The following RIBC2 variants were observed in gnomAD, a reference collection of about 807,000 sequenced individuals.
RIBC2 encodes RIB43A-like with coiled-coils protein 2.
RIBC2 carries 40 observed loss-of-function variants against 44.3 expected under a neutral mutation model. The ratio of observed to expected loss-of-function variants is 0.90; its 90% CI spans 0.70 to 1.18. RIBC2 has a LOEUF of 1.18. Ranked by LOEUF, RIBC2 falls within the 50% of genes most tolerant of loss-of-function variation. The pLI, the probability that RIBC2 is intolerant of heterozygous loss-of-function variation, is 0.00. For synonymous variants in RIBC2, 171 were observed against 175.0 expected (o/e 0.98, Z 0.18); for missense variants, 459 against 485.5 (o/e 0.95, Z 0.51).
chr22:45,421,496 TTATTAA>T (rs1420020495), intron 3 of RIBC2, among the ~76,000 whole-genome samples: 10 of 120,444 alleles, frequency 8.3e-5, no homozygotes, highest in African/African-American at 1.9e-4. Context: ...TTAATTATTA[TTATTAA>T]TAATAGTATT....
chr22:45,424,072 A>G (rs2087511180), intron 4 of RIBC2, among the ~76,000 whole-genome samples: 1 of 152,046 alleles, frequency 6.6e-6, no homozygotes, highest in Admixed American at 6.5e-5. Context: ...CATATATTCT[A>G]GAAGATGTTT....
In RIBC2 at chr22:45,417,453, G is replaced by A. The variant is rs1162115348; in HGVS notation, c.212-149G>A. 6 of 593,886 alleles carry A rather than the reference G, an allele frequency of 1.0e-5. No individual in the cohort carries two copies. In the East Asian group the frequency reaches 1.4e-4, roughly 14 times the overall value. 36.8% of individuals were successfully genotyped at this position (593,886 alleles called of 1,614,324 possible). ...TAATCCCAGTGACTCAGGAGGCTGA[G>A]GCAGAAAGATGGTTGGAGGCCAGGA... is the stretch of plus-strand genomic sequence containing the variant. On this transcript the variant is annotated intron_variant, in intron 2 of 6. Coordinates refer to ENST00000614167, the MANE Select transcript of RIBC2 (RefSeq NM_015653.5).
At chr22:45,414,506 TA>T (rs1317007908) in intron 2 of RIBC2, 103 bp downstream of exon 2, 9 of 720,200 alleles carry the variant, frequency 1.2e-5, no homozygotes, top group East Asian at 6.1e-5. Flanking sequence ...TTTTATTTTT[TA>T]TTTTTTTTAT....
chr22:45,429,033 A>G (rs1374189575), intron 5 of RIBC2, among the ~76,000 whole-genome samples: 1 of 152,196 alleles, frequency 6.6e-6, no homozygotes, highest in Non-Finnish European at 1.5e-5. Context: ...CGGCCAGCAG[A>G]CTGGAGGTCA....
intron 5 of RIBC2, among the ~76,000 whole-genome samples, chr22:45,429,962 T>C (rs1439349293): frequency 6.6e-6 from 1 of 152,190 alleles, no homozygotes; most frequent in Non-Finnish European, 1.5e-5. Context: ...CTCAAACAGC[T>C]GGGCTGTCTG....
rs753232513 is a variant in RIBC2 at position 45,425,914 on chromosome 22, C to G, written c.676-34C>G. 1.2e-5 allele frequency: 19 copies of G among 1,578,774 alleles called. No homozygotes were observed. The South Asian group carries it at 1.9e-4, about 16-fold the overall frequency. ...GTGTCAGAATGCCCCTGGGGTCACT[C>G]GGACCATCTTCTTTAATGTCTTCAC... On this transcript the variant is annotated intron_variant, in intron 4 of 6. Transcript: ENST00000614167.
intron 2 of RIBC2, among the ~76,000 whole-genome samples, chr22:45,416,050 T>C (rs899443546): frequency 2.6e-5 from 4 of 152,250 alleles, no homozygotes; most frequent in African/African-American, 9.6e-5. Context: ...CATAACAATA[T>C]AAAATTGTTT....
chr22:45,414,183 A>G, intron 1 of RIBC2, 139 bp from the exon 2 acceptor site: 1 of 1,477,700 alleles, frequency 6.8e-7, no homozygotes, highest in Admixed American at 2.6e-5. Flanking sequence ...GGAGTCACCA[A>G]CGGTTCTCCT....
At position 45,417,767 on chromosome 22, in the gene RIBC2, A is replaced by C. The variant is rs770139886; in HGVS notation, c.377A>C (p.Asp126Ala). ...DLSDPLALKK[D>A]LPARQSDNDV... ...TCCGACCCCCTAGCCCTTAAGAAAG[A>C]TCTTCCAGCCCGGCAGTCAGATAAT... The change falls in exon 3 of 7, where the codon GAT becomes GCT. Residue 126 changes from aspartate (D) to alanine (A), a missense_variant. Transcript: ENST00000614167. 6.2e-7 allele frequency: 1 copy of C among 1,614,178 alleles called. No individual in the cohort carries two copies. Among genetic ancestry groups the C allele is most frequent in the Admixed American group, 1.7e-5 (1 of 60,026 alleles).
chr22:45,414,114 G>T, intron 1 of RIBC2, 99 bp downstream of exon 1: 1 of 1,499,722 alleles, frequency 6.7e-7, no homozygotes, highest in Non-Finnish European at 8.9e-7. Flanking sequence ...AAACATCTGA[G>T]CCAGGAGGCA....
In RIBC2 at chr22:45,425,953, C is replaced by G; in HGVS notation, c.681C>G (p.Ile227Met). The change falls in exon 5 of 7, where the codon ATC (isoleucine) becomes ATG (methionine). Residue 227 changes from isoleucine (I) to methionine (M), a missense_variant. Ile to Met is a conservative substitution (Grantham distance 10). Coordinates refer to ENST00000614167, the MANE Select transcript of RIBC2 (RefSeq NM_015653.5). ...SVKDFNKSQAIESVERKKQEK... is the reference protein window; with the variant it reads ...SVKDFNKSQAMESVERKKQEK... ...TAATGTCTTCACCTGCTTAGGCCAT[C>G]GAGTCAGTGGAAAGGAAAAAGCAAG... is the stretch of plus-strand genomic sequence containing the variant. 1 of 1,612,944 alleles carries G rather than the reference C, an allele frequency of 6.2e-7. No homozygotes were observed. The highest frequency in any genetic ancestry group is 1.3e-5 in the African/African-American group (1 of 74,988).
chr22:45,430,134 C>T (rs948659371), intron 5 of RIBC2, among the ~76,000 whole-genome samples: 1 of 152,218 alleles, frequency 6.6e-6, no homozygotes, highest in Non-Finnish European at 1.5e-5. Context: ...ACAAAGCCCG[C>T]CAGCCTGCCT....
chr22:45,417,931 G>C lies in RIBC2; in HGVS notation c.541G>C (p.Glu181Gln), dbSNP rs543377690. 4.1e-5 allele frequency: 66 copies of C among 1,596,634 alleles called. 2 individuals are homozygous for C. The South Asian group carries it at 7.1e-4, about 17-fold the overall frequency. ...QQREWKNARA[E>Q]QKCAEALYTE... ...AAGGGAATGGAAGAACGCCCGTGCTGAACAAAAATGCGCAGGTAATGAAAC... is the reference window on the plus strand; with the variant it reads ...AAGGGAATGGAAGAACGCCCGTGCTCAACAAAAATGCGCAGGTAATGAAAC... Residue 181 changes from glutamate to glutamine, a missense_variant, in exon 3 of 7, where the codon GAA becomes CAA. Transcript: ENST00000614167.
chr22:45,424,177 A>G (rs2087512103), intron 4 of RIBC2, among the ~76,000 whole-genome samples: 1 of 152,216 alleles, frequency 6.6e-6, no homozygotes, highest in Non-Finnish European at 1.5e-5. Flanking sequence ...CTGCACTGGG[A>G]AAAGCCGCCC....
chr22:45,431,526 CACCTGAA>C (rs2087580167), intron 6 of RIBC2, among the ~76,000 whole-genome samples: 1 of 152,234 alleles, frequency 6.6e-6, no homozygotes, highest in African/African-American at 2.4e-5. Context: ...GGTGAACTTG[CACCTGAA>C]AAACACAGTA....
chr22:45,418,988 A>T (rs1167457661), intron 3 of RIBC2, among the ~76,000 whole-genome samples: 1 of 152,162 alleles, frequency 6.6e-6, no homozygotes, highest in Non-Finnish European at 1.5e-5. Flanking sequence ...ATGCGCATGC[A>T]ATTCAGCTTT....
intron 5 of RIBC2, among the ~76,000 whole-genome samples, chr22:45,430,486 C>A (rs144813161): frequency 8.2e-4 from 125 of 152,254 alleles, no homozygotes; most frequent in Middle Eastern, 3.4e-3. Flanking sequence ...AGGTGATCTG[C>A]GTTCAGCTGT....
intron 5 of RIBC2, among the ~76,000 whole-genome samples, chr22:45,430,507 G>A (rs889960120): frequency 8.5e-5 from 13 of 152,330 alleles, no homozygotes; most frequent in African/African-American, 2.6e-4. Flanking sequence ...GGGGCAGCCG[G>A]CCATGGCTCA....
intron 4 of RIBC2, 144 bp from the exon 5 acceptor site, chr22:45,425,804 C>T (rs1431700369): frequency 2.9e-6 from 2 of 694,348 alleles, no homozygotes; most frequent in Non-Finnish European, 4.9e-6. Context: ...CACATCCGTG[C>T]CTGACAAGTC....
Sources: gnomAD v4.1 joint callset for allele counts (sites outside exome capture counted in the v4.1 genomes callset) on GRCh38, gnomAD v4.1.1 for gene constraint, MANE v1.5 for transcripts, NCBI Gene and HGNC (gene_info 2026-07-23, HGNC 2026-07-21) for gene names.